KIAA2012: variants seen among roughly 807,000 people sequenced by gnomAD.
KIAA2012 encodes KIAA2012.
A neutral mutation model predicts 150.6 loss-of-function variants in KIAA2012; 125 were observed. That is an observed-to-expected ratio of 0.83 (90% CI 0.72 to 0.96). The LOEUF is 0.96. KIAA2012 is among the 40% of genes least tolerant of loss of function. KIAA2012 has a pLI of 0.00. For synonymous variants in KIAA2012, 462 were observed against 504.7 expected (o/e 0.92, Z 1.13); for missense variants, 1,219 against 1,354.9 (o/e 0.90, Z 1.57).
intron 15 of KIAA2012, chr2:202,179,695 C>T (rs1692077194): frequency 1.5e-6 from 1 of 663,634 alleles, no homozygotes; most frequent in Non-Finnish European, 2.9e-6. Flanking sequence ...AGTTTCTTTA[C>T]TTGTTTGTGG....
At chr2:202,110,935 T>TC (rs1266139204) in intron 10 of KIAA2012, among the ~76,000 whole-genome samples, 1 of 152,110 alleles carries the variant, frequency 6.6e-6, no homozygotes, top group African/African-American at 2.4e-5. Flanking sequence ...ATCCCTTCCT[T>TC]CCCCGCAACA....
intron 16 of KIAA2012, 35 bp from the exon 17 acceptor site, chr2:202,186,897 CT>C (rs2105743886): frequency 1.3e-6 from 2 of 1,537,962 alleles, no homozygotes; most frequent in African/African-American, 2.8e-5. Context: ...CAGAGTTTTT[CT>C]TTAGTTTGGT....
At chr2:202,127,273 A>T (rs533699194) in intron 12 of KIAA2012, among the ~76,000 whole-genome samples, 33 of 152,316 alleles carry the variant, frequency 2.2e-4, no homozygotes, top group African/African-American at 7.7e-4. Flanking sequence ...TCTCACCAAT[A>T]AAAAACTAAC....
intron 15 of KIAA2012, among the ~76,000 whole-genome samples, chr2:202,183,315 C>A (rs1047953034): frequency 1.3e-5 from 2 of 151,108 alleles, no homozygotes; most frequent in African/African-American, 4.9e-5. Context: ...TGGCCACTTG[C>A]GAGACAGGTG....
At chr2:202,172,775 G>C (rs542979895) in intron 15 of KIAA2012, among the ~76,000 whole-genome samples, 1 of 152,348 alleles carries the variant, frequency 6.6e-6, no homozygotes, top group East Asian at 1.9e-4. Flanking sequence ...GACCAGAAGT[G>C]TGTGCCCAGG....
At chr2:202,154,650 G>A (rs200683224) in intron 13 of KIAA2012, 23 bp from the exon 14 acceptor site, 73 of 1,518,704 alleles carry the variant, frequency 4.8e-5, no homozygotes, top group Middle Eastern at 1.7e-4. Flanking sequence ...ATGAAAGTTC[G>A]GGCTTTCTGC....
intron 20 of KIAA2012, among the ~76,000 whole-genome samples, chr2:202,193,735 C>G (rs182749441): frequency 6.6e-6 from 1 of 152,302 alleles, no homozygotes; most frequent in East Asian, 1.9e-4. Flanking sequence ...CACTCTCTTT[C>G]AAGTTTAGAA....
At chr2:202,105,648 G>T (rs927222174) in intron 8 of KIAA2012, 113 bp from the exon 9 acceptor site, 17 of 1,390,514 alleles carry the variant, frequency 1.2e-5, no homozygotes, top group Non-Finnish European at 1.5e-5. Context: ...AATGGACACT[G>T]CTCCAACCAA....
At chr2:202,143,221 A>G (rs1691229185) in intron 13 of KIAA2012, among the ~76,000 whole-genome samples, 1 of 151,748 alleles carries the variant, frequency 6.6e-6, no homozygotes, top group Non-Finnish European at 1.5e-5. Context: ...AGTAACTGGA[A>G]TTATAGGATC....
chr2:202,105,016 A>C (rs997315165), intron 8 of KIAA2012, among the ~76,000 whole-genome samples: 2 of 152,226 alleles, frequency 1.3e-5, no homozygotes, highest in African/African-American at 2.4e-5. Context: ...AATCGGGTAC[A>C]AAGACAGTGA....
chr2:202,159,826 G>A (rs1213614548), intron 14 of KIAA2012, among the ~76,000 whole-genome samples: 3 of 152,234 alleles, frequency 2.0e-5, no homozygotes, highest in Middle Eastern at 3.4e-3. Flanking sequence ...TGGGCAACAA[G>A]AGCAAAAGTC....
In KIAA2012 at chr2:202,137,952, C is replaced by T. The variant is rs146492905; in HGVS notation, c.1832-480C>T. On this transcript the variant is annotated intron_variant, in intron 12 of 23. Coordinates refer to ENST00000498697, the MANE Select transcript of KIAA2012 (RefSeq NM_001277372.4). ...CTTTGGCGTTTGCCTTTGTTTGATT[C>T]ATGTTTCCACCCTTCCTCTTGCCCC... The T allele has an allele frequency of 4.5e-3, 686 of 153,226 alleles. 4 individuals carry two copies. Among genetic ancestry groups the T allele is most frequent in the Admixed American group, 9.4e-3 (144 of 15,384 alleles). 9.5% of individuals were successfully genotyped at this position (153,226 alleles called of 1,614,324 possible). A position where few individuals can be genotyped will look rare whatever the true frequency, so the allele number is the denominator to read the frequency against.
At position 202,133,101 on chromosome 2, in the gene KIAA2012, T is replaced by TAAAAA. The variant is rs376450801; in HGVS notation, c.1832-5326_1832-5322dup. Among the ~76,000 whole-genome samples the TAAAAA allele has an allele frequency of 5.5e-4, 41 of 74,102 alleles. 1 individual carries two copies. The highest frequency in any genetic ancestry group is 1.1e-3 in the African/African-American group (18 of 16,748). 48.6% of individuals were successfully genotyped at this position (74,102 alleles called of 152,430 possible). On this transcript the variant is annotated intron_variant, in intron 12 of 23. Transcript: ENST00000498697. ...GCCTGGGCGACAGTGTGAGACTGTCTAAAAAAAAATATATATATATATATA... is the reference window on the plus strand; with the variant it reads ...GCCTGGGCGACAGTGTGAGACTGTCTAAAAAAAAAAAAAATATATATATATATATA...
chr2:202,153,318 G>T (rs1691462929), intron 13 of KIAA2012, among the ~76,000 whole-genome samples: 1 of 152,170 alleles, frequency 6.6e-6, no homozygotes, highest in Non-Finnish European at 1.5e-5. Context: ...TGGTGGGGAG[G>T]TGCTCATGCT....
chr2:202,179,363 T>A, intron 15 of KIAA2012: 1 of 913,054 alleles, frequency 1.1e-6, no homozygotes, highest in Non-Finnish European at 1.8e-6. Context: ...CCGGATTGAA[T>A]ATGCTTTGGC....
chr2:202,152,288 G>A (rs965935031), intron 13 of KIAA2012, among the ~76,000 whole-genome samples: 4 of 152,086 alleles, frequency 2.6e-5, no homozygotes, highest in Non-Finnish European at 5.9e-5. Flanking sequence ...AGAATTGATG[G>A]CCTCTGAACA....
intron 11 of KIAA2012, among the ~76,000 whole-genome samples, chr2:202,117,729 A>T (rs924213123): frequency 2.0e-5 from 3 of 152,188 alleles, no homozygotes; most frequent in Non-Finnish European, 4.4e-5. Flanking sequence ...GGCATTGTGT[A>T]AAAAAGGAAA....
intron 2 of KIAA2012, among the ~76,000 whole-genome samples, chr2:202,078,390 G>A (rs1279713695): frequency 6.6e-6 from 1 of 152,186 alleles, no homozygotes; most frequent in Non-Finnish European, 1.5e-5. Context: ...CTGGGCTCAA[G>A]TGGTCCTCCC....
intron 20 of KIAA2012, 121 bp downstream of exon 20, chr2:202,193,624 A>C: frequency 1.0e-6 from 1 of 977,570 alleles, no homozygotes; most frequent in Non-Finnish European, 1.5e-6. Context: ...TTAAAATAGC[A>C]TGTGTCATTT....
Sources: gnomAD v4.1 joint callset for allele counts (sites outside exome capture counted in the v4.1 genomes callset) on GRCh38, gnomAD v4.1.1 for gene constraint, MANE v1.5 for transcripts, NCBI Gene and HGNC (gene_info 2026-07-23, HGNC 2026-07-21) for gene names.